ZMYND8: variants seen among roughly 807,000 people sequenced by gnomAD.
ZMYND8 encodes MYND-type zinc finger-containing chromatin reader ZMYND8.
ZMYND8 carries 37 observed loss-of-function variants against 140.8 expected under a neutral mutation model. The ratio of observed to expected loss-of-function variants is 0.26; its 90% CI spans 0.20 to 0.35. ZMYND8 has a LOEUF of 0.35. ZMYND8 is among the 10% of genes least tolerant of loss of function. The pLI is 1.00. For synonymous variants in ZMYND8, 592 were observed against 597.1 expected, an observed-to-expected ratio of 0.99 and a Z score of 0.12; for missense variants, 1,068 against 1,570.0, an observed-to-expected ratio of 0.68 and a Z score of 5.40.
At chr20:47,307,587 AG>A (rs1245496111) in intron 3 of ZMYND8, among the ~76,000 whole-genome samples, 3 of 152,094 alleles carry the variant, frequency 2.0e-5, no homozygotes, top group African/African-American at 7.2e-5. Flanking sequence ...AAAAGAGGGT[AG>A]GCTGGGCACA....
At chr20:47,305,764 C>T (rs2078433895) in intron 3 of ZMYND8, among the ~76,000 whole-genome samples, 1 of 152,116 alleles carries the variant, frequency 6.6e-6, no homozygotes, top group Admixed American at 6.5e-5. Context: ...AATCTGCTGG[C>T]ACGTTATTTC....
chr20:47,334,513 GTGAC>G (rs1403519978), intron 2 of ZMYND8, among the ~76,000 whole-genome samples: 1 of 151,720 alleles, frequency 6.6e-6, no homozygotes, highest in African/African-American at 2.4e-5. Flanking sequence ...GGAATGGGAA[GTGAC>G]TGCTAATGAG....
rs969451539 is a variant in ZMYND8 at position 47,251,548 on chromosome 20, C to T, written c.1622-2109G>A. On this transcript the variant is annotated intron_variant, in intron 12 of 22. Transcript: ENST00000471951. Reference sequence around the variant, plus strand: ...GCTGCAGTGAGCCATGATTGCGTCACTGCACTCCAGCCTGGGTGAGCAAGA... The same window carrying T: ...GCTGCAGTGAGCCATGATTGCGTCATTGCACTCCAGCCTGGGTGAGCAAGA... Among the ~76,000 whole-genome samples the T allele has an allele frequency of 4.6e-5, 7 of 151,400 alleles. No homozygotes were observed. The South Asian group carries it at 1.3e-3, about 27-fold the overall frequency.
At chr20:47,312,812 G>A (rs886175852) in intron 2 of ZMYND8, among the ~76,000 whole-genome samples, 69 of 150,436 alleles carry the variant, frequency 4.6e-4, no homozygotes, top group East Asian at 2.3e-3. Flanking sequence ...AAAAAAGAGA[G>A]AGAGGTGCAG....
intron 2 of ZMYND8, among the ~76,000 whole-genome samples, chr20:47,313,418 C>T (rs373069936): frequency 6.2e-4 from 94 of 151,106 alleles, no homozygotes; most frequent in Middle Eastern, 3.5e-3. Context: ...GTCAGGAGAT[C>T]GAGACCATCC....
intron 14 of ZMYND8, 78 bp from the exon 15 acceptor site, chr20:47,239,216 G>T: frequency 6.9e-7 from 1 of 1,442,710 alleles, no homozygotes; most frequent in South Asian, 1.7e-5. Flanking sequence ...ACGCCACCAA[G>T]TTCTGGGTAA....
intron 2 of ZMYND8, among the ~76,000 whole-genome samples, chr20:47,340,260 A>G (rs2081738656): frequency 1.3e-5 from 2 of 152,016 alleles, no homozygotes; most frequent in South Asian, 4.1e-4. Context: ...GGTGTTTTAA[A>G]TCTCAATGAC....
At chr20:47,257,367 C>T (rs1487732857) in intron 12 of ZMYND8, among the ~76,000 whole-genome samples, 1 of 151,906 alleles carries the variant, frequency 6.6e-6, no homozygotes, top group Non-Finnish European at 1.5e-5. Flanking sequence ...TACATACACA[C>T]AAATACCATA....
At chr20:47,254,376 C>T (rs935854702) in intron 12 of ZMYND8, among the ~76,000 whole-genome samples, 1 of 152,176 alleles carries the variant, frequency 6.6e-6, no homozygotes. Flanking sequence ...GGAATTTATC[C>T]TATGGATTAC....
chr20:47,215,933 G>A (rs1458708418), intron 21 of ZMYND8, among the ~76,000 whole-genome samples: 2 of 152,194 alleles, frequency 1.3e-5, no homozygotes, highest in Non-Finnish European at 2.9e-5. Context: ...GGCACTTGGA[G>A]ATAGATGAGG....
chr20:47,259,964 C>G (rs1409763096), intron 12 of ZMYND8, among the ~76,000 whole-genome samples: 8 of 152,184 alleles, frequency 5.3e-5, no homozygotes, highest in African/African-American at 1.9e-4. Context: ...ATTCCTGCCT[C>G]CAGCTGCCCT....
At chr20:47,255,677 A>ATG (rs376160663) in intron 12 of ZMYND8, among the ~76,000 whole-genome samples, 1,577 of 100,858 alleles carry the variant, frequency 0.016, 49 homozygotes, top group African/African-American at 0.038. Flanking sequence ...TATATGGTGT[A>ATG]TGTGTGTGTG....
At chr20:47,329,362 A>G (rs889672751) in intron 2 of ZMYND8, among the ~76,000 whole-genome samples, 2 of 152,176 alleles carry the variant, frequency 1.3e-5, no homozygotes, top group African/African-American at 2.4e-5. Context: ...CAGACACTTG[A>G]CACGTGGCCA....
intron 8 of ZMYND8, among the ~76,000 whole-genome samples, chr20:47,284,465 C>T (rs2076801276): frequency 6.6e-6 from 1 of 152,168 alleles, no homozygotes; most frequent in African/African-American, 2.4e-5. Context: ...AATTCTCCAG[C>T]CCTAAGTGTC....
chr20:47,327,516 C>T (rs1278200925), intron 2 of ZMYND8, among the ~76,000 whole-genome samples: 2 of 146,638 alleles, frequency 1.4e-5, no homozygotes, highest in South Asian at 2.1e-4. Flanking sequence ...ATTAGCCAGG[C>T]GTGGTGGCAC....
chr20:47,334,160 A>G (rs2081201010), intron 2 of ZMYND8, among the ~76,000 whole-genome samples: 1 of 152,184 alleles, frequency 6.6e-6, no homozygotes, highest in Admixed American at 6.5e-5. Context: ...ATGGTCGTAT[A>G]GATTGTTTGT....
chr20:47,326,976 C>A (rs536770541), intron 2 of ZMYND8, among the ~76,000 whole-genome samples: 5 of 152,238 alleles, frequency 3.3e-5, no homozygotes, highest in African/African-American at 9.6e-5. Flanking sequence ...AGTGACTGTA[C>A]CCAAACTTGA....
intron 12 of ZMYND8, among the ~76,000 whole-genome samples, chr20:47,259,581 CTCTT>C (rs2075006729): frequency 6.6e-6 from 1 of 152,150 alleles, no homozygotes; most frequent in Non-Finnish European, 1.5e-5. Context: ...TGGCCGCCCT[CTCTT>C]TCTGAAACCC....
At chr20:47,326,809 T>C (rs1204985289) in intron 2 of ZMYND8, among the ~76,000 whole-genome samples, 1 of 152,200 alleles carries the variant, frequency 6.6e-6, no homozygotes, top group Non-Finnish European at 1.5e-5. Flanking sequence ...CCTGTCTCCA[T>C]CTAGTTCCCT....
Sources: gnomAD v4.1 joint callset for allele counts (sites outside exome capture counted in the v4.1 genomes callset) on GRCh38, gnomAD v4.1.1 for gene constraint, MANE v1.5 for transcripts, NCBI Gene and HGNC (gene_info 2026-07-23, HGNC 2026-07-21) for gene names.